Variants in WWP1 observed in about 807,000 individuals in gnomAD.
The protein encoded by WWP1 is WW domain containing E3 ubiquitin protein ligase 1.
In WWP1, 49 loss-of-function variants were observed where a neutral mutation model predicts 130.6. That is an observed-to-expected ratio of 0.38 (90% CI 0.30 to 0.48). The LOEUF is 0.48. Ranked by LOEUF, WWP1 falls within the 20% of genes least tolerant of loss-of-function variation. The pLI is 0.99. For synonymous variants in WWP1, 332 were observed against 367.8 expected (o/e 0.90, Z 1.11); for missense variants, 809 against 1,100.6 (o/e 0.74, Z 3.75).
chr8:86,407,016 A>G (rs1045562392), intron 8 of WWP1, among the ~76,000 whole-genome samples: 2 of 152,228 alleles, frequency 1.3e-5, no homozygotes, highest in African/African-American at 4.8e-5. Context: ...AAGATTAAAC[A>G]TGAAGTTAGG....
At position 86,427,813 on chromosome 8, in the gene WWP1, A is replaced by G; in HGVS notation, c.1328A>G (p.Tyr443Cys). The change falls in exon 11 of 25, where the codon TAT (tyrosine) becomes TGT (cysteine). Residue 443 changes from tyrosine to cysteine, a missense_variant. Transcript: ENST00000517970. ...AMQQFNQRYL[Y>C]SASMLAAEND... is the part of the protein sequence containing the mutation. ...CAACAGTTTAACCAACGATACCTCTATTCGGTAATTAGCAAATTGTAAGAT... is the reference window on the plus strand; with the variant it reads ...CAACAGTTTAACCAACGATACCTCTGTTCGGTAATTAGCAAATTGTAAGAT... The G allele has an allele frequency of 6.2e-7, 1 of 1,603,806 alleles. No individual in the cohort carries two copies. Among genetic ancestry groups the G allele is most frequent in the Non-Finnish European group, 8.5e-7 (1 of 1,174,662 alleles).
At chr8:86,436,800 A>T (rs575187762) in intron 16 of WWP1, among the ~76,000 whole-genome samples, 6 of 152,348 alleles carry the variant, frequency 3.9e-5, no homozygotes, top group Non-Finnish European at 7.3e-5. Flanking sequence ...GAACCAAATT[A>T]TGCTGTGTAC....
At chr8:86,410,591 G>C (rs2130559189) in intron 8 of WWP1, among the ~76,000 whole-genome samples, 1 of 152,126 alleles carries the variant, frequency 6.6e-6, no homozygotes, top group African/African-American at 2.4e-5. Flanking sequence ...GTAAGTCTAG[G>C]ATGAGGACTT....
intron 9 of WWP1, among the ~76,000 whole-genome samples, chr8:86,424,359 G>A (rs1332363700): frequency 3.3e-5 from 5 of 151,412 alleles, no homozygotes; most frequent in East Asian, 2.0e-4. Context: ...CATCCCAGAC[G>A]ATGGGCGGCC....
chr8:86,380,925 T>C (rs1586306618), intron 4 of WWP1, 61 bp downstream of exon 4: 2 of 1,469,328 alleles, frequency 1.4e-6, no homozygotes, highest in Non-Finnish European at 1.8e-6. Context: ...TTGGAATATG[T>C]TTTTTGTTTT....
Position 86,342,730 on chromosome 8 carries a change from C to G in WWP1, c.-315C>G, listed in dbSNP as rs1586210474. ...GACGGGGTGGGGGTGGGGGGAGGGTCGGGTGTCGGCGAGCTCCGCGTGCGG... is the reference window on the plus strand; with the variant it reads ...GACGGGGTGGGGGTGGGGGGAGGGTGGGGTGTCGGCGAGCTCCGCGTGCGG... On this transcript the variant is annotated 5_prime_UTR_variant, in exon 1 of 25. Coordinates refer to ENST00000517970, the MANE Select transcript of WWP1 (RefSeq NM_007013.4). 1.2e-5 allele frequency: 4 copies of G among 344,312 alleles called. No individual in the cohort carries two copies. The South Asian group carries it at 5.7e-4, about 49-fold the overall frequency. The allele number at this position is 344,312 out of a possible 1,614,324, so 21.3% of individuals were successfully genotyped here.
intron 14 of WWP1, among the ~76,000 whole-genome samples, chr8:86,432,178 G>C (rs942393272): frequency 2.0e-5 from 3 of 152,098 alleles, no homozygotes; most frequent in Non-Finnish European, 4.4e-5. Context: ...GCAATGAGAT[G>C]GTCAGTGAAA....
rs1256979376 is a variant in WWP1 at position 86,342,605 on chromosome 8, C to A, written c.-440C>A. 5.8e-6 allele frequency: 1 copy of A among 172,750 alleles called. No individual in the cohort carries two copies. The highest frequency in any genetic ancestry group is 2.4e-5 in the African/African-American group (1 of 41,438). 10.7% of individuals were successfully genotyped at this position (172,750 alleles called of 1,614,324 possible). A position where few individuals can be genotyped will look rare whatever the true frequency, so the allele number is the denominator to read the frequency against. Reference sequence around the variant, plus strand: ...CGCGGCGTAGCGCGCGGTGCCGGGGCCGGCGGGGAGGCGCGCGCTTAGGGC... The same window carrying A: ...CGCGGCGTAGCGCGCGGTGCCGGGGACGGCGGGGAGGCGCGCGCTTAGGGC... On this transcript the variant is annotated 5_prime_UTR_variant, in exon 1 of 25. Transcript: ENST00000517970.
At chr8:86,392,876 G>T (rs1331222478) in intron 5 of WWP1, among the ~76,000 whole-genome samples, 1 of 152,122 alleles carries the variant, frequency 6.6e-6, no homozygotes, top group African/African-American at 2.4e-5. Flanking sequence ...AAATTACTGG[G>T]AGGTAAAAGG....
chr8:86,353,245 A>C (rs7837618), intron 1 of WWP1, among the ~76,000 whole-genome samples: 22,283 of 152,202 alleles, frequency 0.15, 1,783 homozygotes, highest in Non-Finnish European at 0.19. Flanking sequence ...TTTAGGGCCA[A>C]AGTGATGACA....
At chr8:86,456,999 T>C (rs1259440427) in intron 21 of WWP1, among the ~76,000 whole-genome samples, 1 of 152,110 alleles carries the variant, frequency 6.6e-6, no homozygotes, top group African/African-American at 2.4e-5. Flanking sequence ...AAGGGGATGA[T>C]GATTTTGATT....
At chr8:86,367,869 G>A (rs1489405670) in intron 1 of WWP1, among the ~76,000 whole-genome samples, 6 of 152,152 alleles carry the variant, frequency 3.9e-5, no homozygotes, top group African/African-American at 1.4e-4. Flanking sequence ...AATTTGATCA[G>A]CACTCTCTCA....
At chr8:86,424,826 G>T (rs1441531149) in intron 9 of WWP1, among the ~76,000 whole-genome samples, 1 of 118,994 alleles carries the variant, frequency 8.4e-6, no homozygotes, top group African/African-American at 3.3e-5. Context: ...TGTGGGGAGA[G>T]GGAGAGGGAG....
chr8:86,380,763 C>T lies in WWP1; in HGVS notation c.108C>T (p.Phe36=), dbSNP rs761421877. Residue 36 remains phenylalanine, a synonymous_variant, in exon 4 of 25, where the codon TTC becomes TTT. Coordinates refer to ENST00000517970, the MANE Select transcript of WWP1 (RefSeq NM_007013.4). ...AACTTAAAAGAAAAAAGAACTGGTT[C>T]GGAACAGCAATATATACAGAAGTAG... ...SAKLKRKKNW[F]GTAIYTEVVV... 4.3e-5 allele frequency: 69 copies of T among 1,610,826 alleles called. No homozygotes were observed. The highest frequency in any genetic ancestry group is 3.3e-4 in the Middle Eastern group (2 of 6,026).
At position 86,380,864 on chromosome 8, in the gene WWP1, T is replaced by TGTAA; in HGVS notation, c.209+4_209+7dup. 1 of 1,597,704 alleles carries TGTAA rather than the reference T, an allele frequency of 6.3e-7. No individual in the cohort carries two copies. The highest frequency in any genetic ancestry group is 8.5e-7 in the Non-Finnish European group (1 of 1,174,208). ...CCAAAATGGGATGAACAGCTAACTG[T>TGTAA]GTAAGTACCTTGTGTAAAGGACGGA... is the stretch of plus-strand genomic sequence containing the variant. On this transcript the variant is annotated stop_gained and frameshift_variant and splice_region_variant. Coordinates refer to ENST00000517970, the MANE Select transcript of WWP1 (RefSeq NM_007013.4). LOFTEE classifies it high-confidence loss of function.
chr8:86,412,130 T>G (rs1808620308), intron 9 of WWP1, among the ~76,000 whole-genome samples: 1 of 152,184 alleles, frequency 6.6e-6, no homozygotes, highest in South Asian at 2.1e-4. Flanking sequence ...CCCTCTTAAT[T>G]TGATTCTTGG....
At chr8:86,461,934 C>A in intron 24 of WWP1, 88 bp downstream of exon 24, 3 of 1,049,754 alleles carry the variant, frequency 2.9e-6, no homozygotes, top group Non-Finnish European at 4.3e-6. Context: ...TCCAGTATAA[C>A]TGCTTATTCA....
intron 5 of WWP1, among the ~76,000 whole-genome samples, chr8:86,395,397 G>C (rs1807601711): frequency 1.2e-5 from 1 of 84,380 alleles, no homozygotes. Flanking sequence ...TAATGGACCA[G>C]ATTTTTGAGG....
intron 20 of WWP1, among the ~76,000 whole-genome samples, chr8:86,451,375 T>G (rs1811171276): frequency 6.6e-6 from 1 of 151,704 alleles, no homozygotes. Context: ...GCGCCTACAG[T>G]GATAGCTAGG....
Sources: allele counts gnomAD v4.1 joint callset (sites outside exome capture counted in the v4.1 genomes callset), GRCh38; gene constraint gnomAD v4.1.1; transcripts MANE v1.5; gene names NCBI Gene and HGNC (gene_info 2026-07-23, HGNC 2026-07-21).